Variants in THAP8 observed in about 807,000 individuals in gnomAD.
THAP8 encodes the protein THAP domain-containing protein 8.
THAP8 carries 24 observed loss-of-function variants against 25.0 expected under a neutral mutation model. The ratio of observed to expected loss-of-function variants is 0.96; its 90% CI spans 0.69 to 1.35. The LOEUF is 1.35. THAP8 is among the 40% of genes most tolerant of loss of function. The pLI, the probability that THAP8 is intolerant of heterozygous loss-of-function variation, is 0.00. For missense variants in THAP8, 399 were observed against 368.8 expected (o/e 1.08, Z -0.67); for synonymous variants, 169 against 157.6 (o/e 1.07, Z -0.54).
chr19:36,037,467 G>T (rs762316429), intron 3 of THAP8, among the ~76,000 whole-genome samples: 17 of 151,986 alleles, frequency 1.1e-4, no homozygotes, highest in Non-Finnish European at 2.1e-4. Context: ...GCTCTATAGG[G>T]GCCAGGCAGG....
chr19:36,040,818 T>C (rs540339701), intron 1 of THAP8, among the ~76,000 whole-genome samples: 30 of 152,138 alleles, frequency 2.0e-4, no homozygotes, highest in African/African-American at 7.2e-4. Context: ...ACAGTTACGA[T>C]GTGGGAGATC....
chr19:36,035,452 G>A lies in THAP8; in HGVS notation c.813C>T (p.Ile271=), dbSNP rs1164394956. Residue 271 remains isoleucine (I), a synonymous_variant, in exon 4 of 4, where the codon ATC becomes ATT. Coordinates refer to ENST00000292894, the MANE Select transcript of THAP8 (RefSeq NM_152658.3). ...DAKPELLDTR[I]PSA ...TCTGTCTTGATCCTTATGCACTGGG[G>A]ATCCGAGTGTCCAGGAGCTCCGGCT... 2 of 1,613,874 alleles carry A rather than the reference G, an allele frequency of 1.2e-6. No homozygotes were observed. Among genetic ancestry groups the A allele is most frequent in the Non-Finnish European group, 8.5e-7 (1 of 1,179,842 alleles).
chr19:36,051,804 T>C (rs570392283), intron 1 of THAP8, among the ~76,000 whole-genome samples: 1 of 152,058 alleles, frequency 6.6e-6, no homozygotes, highest in Non-Finnish European at 1.5e-5. Flanking sequence ...CGGGTACCAG[T>C]CTATGGCCTG....
upstream of THAP8, chr19:36,054,754 C>T: frequency 1.6e-6 from 1 of 623,788 alleles, no homozygotes; most frequent in South Asian, 1.9e-5. Context: ...ATCCAGTACA[C>T]TGGCTGTGGC....
chr19:36,051,544 A>C (rs1389161545), intron 1 of THAP8, among the ~76,000 whole-genome samples: 1 of 152,168 alleles, frequency 6.6e-6, no homozygotes, highest in Non-Finnish European at 1.5e-5. Flanking sequence ...TCTGGAGGTG[A>C]TAATTGCCAG....
rs1294455802 is a variant in THAP8, at chr19:36,039,640, T to A, written c.355A>T (p.Ser119Cys). ...PLQKNTPLPQSPAIPVSGPVR... is the reference protein window; with the variant it reads ...PLQKNTPLPQCPAIPVSGPVR... ...GGGCCAGAGACTGGGATGGCAGGGC[T>A]CTGGGGCAGGGGTGTATTCTTCTGT... The change falls in exon 3 of 4, where the codon AGC becomes TGC. Residue 119 changes from serine to cysteine, a missense_variant. Physicochemically the swap from Ser to Cys is moderately radical, Grantham distance 112. Coordinates refer to ENST00000292894, the MANE Select transcript of THAP8 (RefSeq NM_152658.3). 5.3e-6 allele frequency: 8 copies of A among 1,512,498 alleles called. No individual in the cohort carries two copies. The East Asian group carries it at 2.0e-4, about 37-fold the overall frequency. The allele number at this position is 1,512,498 out of a possible 1,614,324, so 93.7% of individuals were successfully genotyped here.
At chr19:36,035,735 G>A in intron 3 of THAP8, 143 bp from the exon 4 acceptor site, 1 of 925,510 alleles carries the variant, frequency 1.1e-6, no homozygotes, top group South Asian at 1.8e-5. Context: ...GAGATATGAG[G>A]AGACAGGAAA....
intron 1 of THAP8, among the ~76,000 whole-genome samples, chr19:36,043,704 A>G (rs1020485470): frequency 1.3e-5 from 2 of 152,106 alleles, no homozygotes; most frequent in Non-Finnish European, 2.9e-5. Flanking sequence ...CCTGGCCAAC[A>G]TGGTGAAACC....
intron 1 of THAP8, among the ~76,000 whole-genome samples, chr19:36,051,062 G>A (rs933734850): frequency 6.6e-6 from 1 of 151,644 alleles, no homozygotes. Flanking sequence ...CATCGAAAAC[G>A]CAATATGCAG....
Position 36,039,995 on chromosome 19 carries a change from G to A in THAP8, c.225C>T (p.Tyr75=), listed in dbSNP as rs748159874. Residue 75 remains tyrosine (Y), a synonymous_variant, in exon 2 of 4, where the codon TAC becomes TAT. Transcript: ENST00000292894. Reference sequence around the variant, plus strand: ...TGGAGGGCACTGCATCAGGCCGCAGGTAGCGCACACCCCAGCGCCACTGGA... The same window carrying A: ...TGGAGGGCACTGCATCAGGCCGCAGATAGCGCACACCCCAGCGCCACTGGA... ...SCFQWRWGVR[Y]LRPDAVPSIF... is the part of the protein sequence containing the mutation. The A allele has an allele frequency of 6.2e-7, 1 of 1,613,684 alleles. No homozygotes were observed. Among genetic ancestry groups the A allele is most frequent in the Non-Finnish European group, 8.5e-7 (1 of 1,179,958 alleles).
chr19:36,054,682 T>C, upstream of THAP8: 1 of 579,478 alleles, frequency 1.7e-6, no homozygotes, highest in Non-Finnish European at 3.1e-6. Context: ...TTAAAACCTG[T>C]ATGTTTCAGC....
chr19:36,046,765 C>A (rs1345385073), intron 1 of THAP8, among the ~76,000 whole-genome samples: 1 of 152,248 alleles, frequency 6.6e-6, no homozygotes, highest in Non-Finnish European at 1.5e-5. Flanking sequence ...TACTCTCTGC[C>A]TTTTCCTTAC....
intron 3 of THAP8, among the ~76,000 whole-genome samples, chr19:36,037,732 C>A (rs1025053718): frequency 6.6e-6 from 1 of 152,098 alleles, no homozygotes; most frequent in Non-Finnish European, 1.5e-5. Context: ...CTCTGCTTCC[C>A]AGGTTCAAGC....
upstream of THAP8, chr19:36,054,494 T>C: frequency 1.7e-6 from 1 of 575,564 alleles, no homozygotes; most frequent in South Asian, 2.0e-5. Flanking sequence ...CATCACGTGT[T>C]GGGGGGAAGG....
chr19:36,037,380 A>ACACACACACACC (rs1024146227), intron 3 of THAP8, among the ~76,000 whole-genome samples: 10 of 145,560 alleles, frequency 6.9e-5, no homozygotes, highest in Admixed American at 1.4e-4. Flanking sequence ...ACACACACAC[A>ACACACACACACC]CCCAGCAGTA....
At chr19:36,041,147 C>CA (rs748148358) in intron 1 of THAP8, among the ~76,000 whole-genome samples, 1,825 of 106,162 alleles carry the variant, frequency 0.017, 29 homozygotes, top group African/African-American at 0.052. Flanking sequence ...CTCGACTCTA[C>CA]AAAAAAAAAA....
chr19:36,050,254 C>G (rs544921732), intron 1 of THAP8, among the ~76,000 whole-genome samples: 1 of 152,210 alleles, frequency 6.6e-6, no homozygotes, highest in East Asian at 1.9e-4. Flanking sequence ...CAGTGATTCT[C>G]TCACCTCACT....
At position 36,035,324 on chromosome 19, in the gene THAP8, G is replaced by A; in HGVS notation, c.*116C>T. 2 of 1,364,044 alleles carry A rather than the reference G, an allele frequency of 1.5e-6. No homozygotes were observed. Among genetic ancestry groups the A allele is most frequent in the South Asian group, 2.9e-5 (2 of 69,224 alleles). 84.5% of individuals were successfully genotyped at this position (1,364,044 alleles called of 1,614,324 possible). ...GTGGGGTGGTAGAACCCAGGCCCTTGAGGGAGGCACTGCTACTACCCAGGC... is the reference window on the plus strand; with the variant it reads ...GTGGGGTGGTAGAACCCAGGCCCTTAAGGGAGGCACTGCTACTACCCAGGC... On this transcript the variant is annotated 3_prime_UTR_variant, in exon 4 of 4. Transcript: ENST00000292894.
rs1013693168 is a variant in THAP8 at position 36,037,349 on chromosome 19, C to G, written c.673-1757G>C. ...CTTCCTCAAATTCCTCCCCTACACACACACACACACACACACACACACACA... is the reference window on the plus strand; with the variant it reads ...CTTCCTCAAATTCCTCCCCTACACAGACACACACACACACACACACACACA... On this transcript the variant is annotated intron_variant, in intron 3 of 3. Transcript: ENST00000292894. Among the ~76,000 whole-genome samples, 136 of 116,192 alleles carry G rather than the reference C, an allele frequency of 1.2e-3. 1 individual carries two copies. The highest frequency in any genetic ancestry group is 1.8e-3 in the African/African-American group (51 of 27,792). The allele number at this position is 116,192 out of a possible 152,430, so 76.2% of individuals were successfully genotyped here.
Sources: gnomAD v4.1 joint callset for allele counts (sites outside exome capture counted in the v4.1 genomes callset) on GRCh38, gnomAD v4.1.1 for gene constraint, MANE v1.5 for transcripts, NCBI Gene and HGNC (gene_info 2026-07-23, HGNC 2026-07-21) for gene names.